GABRB1: variants seen among roughly 807,000 people sequenced by gnomAD.
GABRB1 encodes gamma-aminobutyric acid type A receptor subunit beta1.
GABRB1 carries 17 observed loss-of-function variants against 51.6 expected under a neutral mutation model. The observed-to-expected ratio is 0.33, with a 90% CI of 0.23 to 0.49. The LOEUF is 0.49. Ranked by LOEUF, GABRB1 falls within the 20% of genes least tolerant of loss-of-function variation. The probability of loss-of-function intolerance (pLI) is 0.99; values close to 1 mark genes in which losing one functional copy is unlikely to be tolerated. For synonymous variants in GABRB1, 247 were observed against 218.9 expected (o/e 1.13, Z -1.14); for missense variants, 410 against 600.6 (o/e 0.68, Z 3.32).
At chr4:47,055,447 G>A (rs143882504) in intron 3 of GABRB1, among the ~76,000 whole-genome samples, 1 of 152,148 alleles carries the variant, frequency 6.6e-6, no homozygotes, top group African/African-American at 2.4e-5. Flanking sequence ...AGTGTAGAAG[G>A]CACTCAAGTG....
intron 4 of GABRB1, among the ~76,000 whole-genome samples, chr4:47,198,115 T>C (rs1004183021): frequency 6.6e-6 from 1 of 152,108 alleles, no homozygotes; most frequent in Non-Finnish European, 1.5e-5. Context: ...AACCGATATC[T>C]CTACTAATAA....
At chr4:47,101,839 G>A (rs1317558500) in intron 3 of GABRB1, among the ~76,000 whole-genome samples, 1 of 151,986 alleles carries the variant, frequency 6.6e-6, no homozygotes, top group Non-Finnish European at 1.5e-5. Context: ...TGAAAACTTG[G>A]TCCTTAGATA....
At chr4:47,170,403 G>A (rs147065728) in intron 4 of GABRB1, among the ~76,000 whole-genome samples, 21 of 136,822 alleles carry the variant, frequency 1.5e-4, no homozygotes, top group African/African-American at 2.5e-4. Flanking sequence ...ACACACACAC[G>A]CACACACACA....
At chr4:47,222,332 C>T (rs955543763) in intron 4 of GABRB1, among the ~76,000 whole-genome samples, 1 of 152,114 alleles carries the variant, frequency 6.6e-6, no homozygotes, top group Non-Finnish European at 1.5e-5. Context: ...TGGCACGTTG[C>T]TACAGTAATG....
chr4:47,032,742 T>A (rs1329069721), intron 3 of GABRB1: 2 of 687,140 alleles, frequency 2.9e-6, no homozygotes, highest in Non-Finnish European at 5.5e-6. Context: ...GCGCCGTGGA[T>A]CTGCTGGGGC....
rs200978881 is a variant in GABRB1, at chr4:47,319,063, T to C, written c.462-1064T>C. 5.3e-5 allele frequency among the ~76,000 whole-genome samples: 8 copies of C among 152,272 alleles called. 1 individual carries two copies. In the East Asian group the frequency reaches 1.5e-3, roughly 29 times the overall value. On this transcript the variant is annotated intron_variant, in intron 4 of 8. Transcript: ENST00000295454. ...ACGATGCATCATGAATTTGCTTCTG[T>C]ATTAATAAATAATAAGCTATCCTTA...
rs145213399 is a variant in GABRB1 at position 47,056,170 on chromosome 4, C to T, written c.240+23686C>T. 1.2e-3 allele frequency among the ~76,000 whole-genome samples: 183 copies of T among 152,132 alleles called. 2 individuals are homozygous for T. Among genetic ancestry groups the T allele is most frequent in the Admixed American group, 1.4e-3 (22 of 15,272 alleles). The stretch of plus-strand genomic sequence containing the variant: ...CGTCCTGCCCTCATTGAAAAATAGA[C>T]CTTAAGCCGAATAGGAATGTTACAG... On this transcript the variant is annotated intron_variant, in intron 3 of 8. Transcript: ENST00000295454.
chr4:47,376,152 G>A (rs1380023213), intron 5 of GABRB1, among the ~76,000 whole-genome samples: 1 of 152,188 alleles, frequency 6.6e-6, no homozygotes, highest in Admixed American at 6.5e-5. Context: ...AGGAACATTG[G>A]AGTTTTGGGT....
At chr4:47,255,338 CA>C (rs1288997452) in intron 4 of GABRB1, among the ~76,000 whole-genome samples, 2 of 152,184 alleles carry the variant, frequency 1.3e-5, no homozygotes, top group Non-Finnish European at 2.9e-5. Flanking sequence ...CTCTTTTCTC[CA>C]AACAAATACA....
chr4:47,157,044 G>A (rs1228984586), intron 3 of GABRB1, among the ~76,000 whole-genome samples: 1 of 152,048 alleles, frequency 6.6e-6, no homozygotes. Context: ...TGTCTATCTT[G>A]CCTTTCCTCA....
chr4:47,410,458 C>T (rs1728724325), intron 8 of GABRB1, among the ~76,000 whole-genome samples: 1 of 152,136 alleles, frequency 6.6e-6, no homozygotes, highest in Admixed American at 6.6e-5. Flanking sequence ...TGCAGCTTTT[C>T]CCCTGAAGCC....
intron 4 of GABRB1, among the ~76,000 whole-genome samples, chr4:47,262,589 G>C (rs1208835140): frequency 6.6e-6 from 1 of 152,190 alleles, no homozygotes; most frequent in African/African-American, 2.4e-5. Flanking sequence ...CTTTTACACT[G>C]TTGGTGGGAG....
chr4:47,238,435 T>C (rs2109844902), intron 4 of GABRB1, among the ~76,000 whole-genome samples: 1 of 152,280 alleles, frequency 6.6e-6, no homozygotes, highest in Non-Finnish European at 1.5e-5. Flanking sequence ...AGAATCATTA[T>C]ACTTTGGTAT....
chr4:47,067,769 A>C (rs998153822), intron 3 of GABRB1, among the ~76,000 whole-genome samples: 8 of 151,880 alleles, frequency 5.3e-5, no homozygotes, highest in Non-Finnish European at 1.5e-5. Context: ...GTACATGTGC[A>C]GGATATGCAG....
At chr4:47,410,662 C>T (rs1728732035) in intron 8 of GABRB1, among the ~76,000 whole-genome samples, 1 of 152,032 alleles carries the variant, frequency 6.6e-6, no homozygotes, top group Non-Finnish European at 1.5e-5. Flanking sequence ...TACAAATGTA[C>T]AAATACCAAG....
chr4:47,337,756 G>A (rs2109983277), intron 5 of GABRB1, among the ~76,000 whole-genome samples: 1 of 146,276 alleles, frequency 6.8e-6, no homozygotes, highest in South Asian at 2.2e-4. Context: ...GTTTCAGTGA[G>A]CCGACATCAT....
At chr4:47,010,110 C>T (rs568434715) in intron 1 of GABRB1, among the ~76,000 whole-genome samples, 2 of 152,320 alleles carry the variant, frequency 1.3e-5, no homozygotes, top group Non-Finnish European at 2.9e-5. Flanking sequence ...CCAGCCTTTG[C>T]TTTGGTGCAT....
chr4:47,150,324 AC>A, intron 3 of GABRB1, among the ~76,000 whole-genome samples: 1 of 139,964 alleles, frequency 7.1e-6, no homozygotes, highest in Non-Finnish European at 1.5e-5. Flanking sequence ...ACACACACAC[AC>A]ACACACACAC....
At chr4:47,152,069 G>C (rs1212517081) in intron 3 of GABRB1, among the ~76,000 whole-genome samples, 2 of 151,716 alleles carry the variant, frequency 1.3e-5, no homozygotes, top group Admixed American at 6.6e-5. Context: ...TCATCTCCTG[G>C]AAATCTGTCA....
Sources: allele counts gnomAD v4.1 joint callset (sites outside exome capture counted in the v4.1 genomes callset), GRCh38; gene constraint gnomAD v4.1.1; transcripts MANE v1.5; gene names NCBI Gene and HGNC (gene_info 2026-07-23, HGNC 2026-07-21).